The following DLG5 variants were observed in gnomAD, a reference collection of about 807,000 sequenced individuals.
The protein encoded by DLG5 is disks large homolog 5.
A neutral mutation model predicts 189.8 loss-of-function variants in DLG5; 48 were observed. The observed-to-expected ratio is 0.25, with a 90% CI of 0.20 to 0.32. The LOEUF (loss-of-function observed/expected upper bound fraction) is 0.32. Among genes scored for constraint, DLG5 ranks in the 10% least tolerant of loss-of-function variants. The probability of loss-of-function intolerance (pLI) is 1.00; values close to 1 mark genes in which losing one functional copy is unlikely to be tolerated. For missense variants in DLG5, 2,160 were observed against 2,544.7 expected, an observed-to-expected ratio of 0.85 and a Z score of 3.25; for synonymous variants, 1,016 against 1,054.1, an observed-to-expected ratio of 0.96 and a Z score of 0.70.
chr10:77,885,923 AG>A (rs1436856935), intron 1 of DLG5, among the ~76,000 whole-genome samples: 1 of 152,162 alleles, frequency 6.6e-6, no homozygotes, highest in East Asian at 1.9e-4. Context: ...AAGGGGATGA[AG>A]GAAGTGCCCT....
At chr10:77,844,413 T>C (rs1233744265) in intron 5 of DLG5, among the ~76,000 whole-genome samples, 2 of 152,246 alleles carry the variant, frequency 1.3e-5, no homozygotes, top group Non-Finnish European at 2.9e-5. Flanking sequence ...GTAATAAATG[T>C]CAGCCATTGA....
chr10:77,869,226 A>G (rs1471747482), intron 1 of DLG5, 29 bp from the exon 2 acceptor site: 1 of 1,608,278 alleles, frequency 6.2e-7, no homozygotes, highest in Admixed American at 1.7e-5. Context: ...CCATGTTACT[A>G]ACCCCAAGGG....
At chr10:77,932,296 C>T in the DLG5 span, among the ~76,000 whole-genome samples, 2 of 152,280 alleles carry the variant, frequency 1.3e-5, no homozygotes, top group South Asian at 2.1e-4. Context: ...AGCTTGTCTT[C>T]AGACAGTGAG....
the DLG5 span, among the ~76,000 whole-genome samples, chr10:77,934,409 A>T: frequency 2.3e-3 from 345 of 152,062 alleles, no homozygotes; most frequent in African/African-American, 7.8e-3. Flanking sequence ...AAATAAATAC[A>T]TAAAGTAAAA....
intron 27 of DLG5, among the ~76,000 whole-genome samples, chr10:77,797,413 T>G (rs1461839124): frequency 6.6e-6 from 1 of 152,186 alleles, no homozygotes; most frequent in East Asian, 1.9e-4. Context: ...ACAGAGTTCC[T>G]GCCATTAAAA....
intron 1 of DLG5, among the ~76,000 whole-genome samples, chr10:77,904,427 T>C (rs1480064930): frequency 2.0e-5 from 3 of 152,106 alleles, no homozygotes; most frequent in Non-Finnish European, 4.4e-5. Context: ...GGTTTTGAAA[T>C]GTGAGGACCT....
chr10:77,908,133 G>T (rs1361860637), intron 1 of DLG5, among the ~76,000 whole-genome samples: 1 of 152,090 alleles, frequency 6.6e-6, no homozygotes, highest in Non-Finnish European at 1.5e-5. Flanking sequence ...CCTTAGCCAT[G>T]CTCTTCTCCT....
chr10:77,805,564 A>C (rs1841425458), intron 27 of DLG5, 101 bp downstream of exon 27: 3 of 1,367,276 alleles, frequency 2.2e-6, no homozygotes, highest in East Asian at 4.7e-5. Context: ...GCACAAAAGC[A>C]AAGTAAGACT....
rs910964994 is a variant in DLG5 at position 77,915,209 on chromosome 10, C to T, written c.304+11008G>A. On this transcript the variant is annotated intron_variant, in intron 1 of 31. Coordinates refer to ENST00000372391, the MANE Select transcript of DLG5 (RefSeq NM_004747.4). ...GGGCGCAGTGGCAGGCACCTGTAATCCCAGCTACTTGGTAGGCTGAGGCAG... is the reference window on the plus strand; with the variant it reads ...GGGCGCAGTGGCAGGCACCTGTAATTCCAGCTACTTGGTAGGCTGAGGCAG... Among the ~76,000 whole-genome samples the T allele has an allele frequency of 3.3e-5, 5 of 152,088 alleles. No individual in the cohort carries two copies. In the East Asian group the frequency reaches 9.7e-4, roughly 29 times the overall value.
At chr10:77,805,939 A>G in intron 26 of DLG5, 78 bp from the exon 27 acceptor site, 1 of 1,425,376 alleles carries the variant, frequency 7.0e-7, no homozygotes, top group Non-Finnish European at 9.6e-7. Context: ...CTGGTGAGAA[A>G]AGCAAAGGTG....
At position 77,926,271 on chromosome 10, in the gene DLG5, G is replaced by T; in HGVS notation, c.250C>A (p.Pro84Thr). ...ACGACGCCGTTCAGGTAGAGAATGGGCAGCAGGTGAGGCTGCGTCTTCTCC... is the reference window on the plus strand; with the variant it reads ...ACGACGCCGTTCAGGTAGAGAATGGTCAGCAGGTGAGGCTGCGTCTTCTCC... ...ALEKTQPHLL[P>T]ILYLNGVVGP... Residue 84 changes from proline (P) to threonine (T), a missense_variant, in exon 1 of 32, where the codon CCC (proline) becomes ACC (threonine). Around this residue, in one of 5 missense-constraint regions of DLG5, gnomAD observed 664 missense variants for 838.5 expected, o/e 0.79. Coordinates refer to ENST00000372391, the MANE Select transcript of DLG5 (RefSeq NM_004747.4). This position sits in a 1 kb window ranked among gnomAD's most constrained non-coding sequence, Gnocchi z 5.2. 1.3e-6 allele frequency: 2 copies of T among 1,580,776 alleles called. No homozygotes were observed. The highest frequency in any genetic ancestry group is 8.6e-7 in the Non-Finnish European group (1 of 1,165,752).
At chr10:77,911,899 TA>T (rs567850067) in intron 1 of DLG5, among the ~76,000 whole-genome samples, 201 of 138,452 alleles carry the variant, frequency 1.5e-3, no homozygotes, top group Middle Eastern at 0.011. Context: ...AACATTTTCT[TA>T]AAAAAAAAAA....
At chr10:77,861,936 C>T (rs1051528197) in intron 2 of DLG5, among the ~76,000 whole-genome samples, 8 of 152,330 alleles carry the variant, frequency 5.3e-5, no homozygotes, top group Middle Eastern at 6.8e-3. Flanking sequence ...GCAGAAAGTG[C>T]AGCCGATGCC....
chr10:77,914,870 C>G (rs1295602528), intron 1 of DLG5, among the ~76,000 whole-genome samples: 3 of 152,184 alleles, frequency 2.0e-5, no homozygotes, highest in Non-Finnish European at 4.4e-5. Flanking sequence ...GTTCTCTTCA[C>G]TCATTTCTAG....
chr10:77,906,617 CTTTTTT>C (rs35116526), intron 1 of DLG5, among the ~76,000 whole-genome samples: 30 of 102,174 alleles, frequency 2.9e-4, no homozygotes, highest in East Asian at 1.6e-3. Flanking sequence ...CTGCGCTCCA[CTTTTTT>C]TTTTTTTTTT....
chr10:77,872,608 C>A (rs761898844), intron 1 of DLG5, among the ~76,000 whole-genome samples: 2 of 152,092 alleles, frequency 1.3e-5, no homozygotes, highest in Non-Finnish European at 2.9e-5. Context: ...GAAAAAAGGC[C>A]CAAAGACGAC....
In DLG5 at chr10:77,842,045, G is replaced by A. The variant is rs868254571; in HGVS notation, c.1273C>T (p.Arg425Trp). The change falls in exon 7 of 32, where the codon CGG (arginine) becomes TGG (tryptophan). Residue 425 changes from arginine (R) to tryptophan (W), a missense_variant. Arg to Trp is a moderately radical substitution (Grantham distance 101). Transcript: ENST00000372391. ...AKESEKYREE[R>W]DAVYSEYKLI... Reference sequence around the variant, plus strand: ...TTGTACTCGCTGTACACAGCGTCCCGCTCCTCCCTGTATTTCTCCGACTCC... The same window carrying A: ...TTGTACTCGCTGTACACAGCGTCCCACTCCTCCCTGTATTTCTCCGACTCC... 1.2e-6 allele frequency: 2 copies of A among 1,614,134 alleles called. No individual in the cohort carries two copies. Among genetic ancestry groups the A allele is most frequent in the Admixed American group, 1.7e-5 (1 of 60,026 alleles).
chr10:77,807,295 C>T (rs1296963040), intron 25 of DLG5, among the ~76,000 whole-genome samples: 2 of 152,118 alleles, frequency 1.3e-5, no homozygotes, highest in African/African-American at 4.8e-5. Context: ...CATCTTCTAC[C>T]CTAGAGACAG....
chr10:77,844,405 A>G (rs1843582468), intron 5 of DLG5, among the ~76,000 whole-genome samples: 1 of 152,192 alleles, frequency 6.6e-6, no homozygotes, highest in Non-Finnish European at 1.5e-5. Context: ...CTTTTGTTGT[A>G]ATAAATGTCA....
Sources: gnomAD v4.1 joint callset for allele counts (sites outside exome capture counted in the v4.1 genomes callset) on GRCh38, gnomAD v4.1.1 for gene constraint, gnomAD v4.1.1 regional missense constraint, Gnocchi (gnomAD v3.1) non-coding constraint, MANE v1.5 for transcripts, NCBI Gene and HGNC (gene_info 2026-07-23, HGNC 2026-07-21) for gene names.